Variants in SLC4A10 observed in about 807,000 individuals in gnomAD.
SLC4A10 encodes the protein sodium-driven chloride bicarbonate exchanger.
A neutral mutation model predicts 137.7 loss-of-function variants in SLC4A10; 42 were observed. The ratio of observed to expected loss-of-function variants is 0.30; its 90% confidence interval spans 0.24 to 0.39. The LOEUF is 0.39. SLC4A10 is among the 10% of genes least tolerant of loss of function. The pLI is 1.00. For synonymous variants in SLC4A10, 474 were observed against 464.1 expected, an observed-to-expected ratio of 1.02 and a Z score of -0.27; for missense variants, 925 against 1,355.0, an observed-to-expected ratio of 0.68 and a Z score of 4.98.
At chr2:161,676,434 C>G (rs1456099635) in intron 1 of SLC4A10, among the ~76,000 whole-genome samples, 1 of 152,078 alleles carries the variant, frequency 6.6e-6, no homozygotes, top group Non-Finnish European at 1.5e-5. Context: ...CTTCTCATTT[C>G]TTTTTCTTAC....
At chr2:161,922,581 G>T (rs969083549) in intron 15 of SLC4A10, among the ~76,000 whole-genome samples, 15 of 152,020 alleles carry the variant, frequency 9.9e-5, no homozygotes, top group African/African-American at 3.6e-4. Flanking sequence ...CTAGTGCTAT[G>T]TAAAAAAGGA....
At chr2:161,902,475 A>T (rs1312937678) in intron 12 of SLC4A10, among the ~76,000 whole-genome samples, 1 of 151,922 alleles carries the variant, frequency 6.6e-6, no homozygotes, top group East Asian at 1.9e-4. Context: ...TCCCTAAAAT[A>T]AAAAAAAGTG....
intron 6 of SLC4A10, among the ~76,000 whole-genome samples, chr2:161,869,840 C>T (rs2060998131): frequency 2.0e-5 from 3 of 151,320 alleles, no homozygotes; most frequent in Admixed American, 2.0e-4. Flanking sequence ...GAAATATAAA[C>T]GATATACAAT....
rs187012624 is a variant in SLC4A10 at position 161,655,803 on chromosome 2, C to T, written c.48+31237C>T. The stretch of plus-strand genomic sequence containing the variant: ...ATACTAGCGAATTGTAGTCAACACA[C>T]ATTAAAAATTCTTCTTTTTTTTTTT... On this transcript the variant is annotated intron_variant, in intron 1 of 26. Coordinates refer to ENST00000446997, the MANE Select transcript of SLC4A10 (RefSeq NM_001178015.2). 2.0e-4 allele frequency among the ~76,000 whole-genome samples: 30 copies of T among 150,382 alleles called. No individual in the cohort carries two copies. In the East Asian group the frequency reaches 5.6e-3, roughly 28 times the overall value.
chr2:161,953,607 C>CA (rs35310961), intron 19 of SLC4A10, among the ~76,000 whole-genome samples: 14,750 of 142,312 alleles, frequency 0.1, 1,570 homozygotes, highest in East Asian at 0.27. Flanking sequence ...GACTCCGTCT[C>CA]AAAAAAAAAA....
At chr2:161,921,187 CAT>C (rs1277351546) in intron 15 of SLC4A10, among the ~76,000 whole-genome samples, 1 of 152,202 alleles carries the variant, frequency 6.6e-6, no homozygotes, top group Non-Finnish European at 1.5e-5. Flanking sequence ...GTACCTGCCA[CAT>C]GAGTTTATTG....
At chr2:161,792,570 G>C (rs2054320287) in intron 2 of SLC4A10, among the ~76,000 whole-genome samples, 1 of 152,086 alleles carries the variant, frequency 6.6e-6, no homozygotes. Context: ...CTCTATTTCA[G>C]CTGTCTTCCC....
At chr2:161,833,765 G>A (rs1056686206) in intron 3 of SLC4A10, among the ~76,000 whole-genome samples, 9 of 152,182 alleles carry the variant, frequency 5.9e-5, no homozygotes, top group African/African-American at 2.2e-4. Flanking sequence ...ACAATTGGCT[G>A]ATAATCAAGG....
intron 26 of SLC4A10, among the ~76,000 whole-genome samples, chr2:161,980,123 C>T (rs923241910): frequency 2.0e-5 from 3 of 152,132 alleles, no homozygotes; most frequent in Non-Finnish European, 2.9e-5. Context: ...GCAACTGCTA[C>T]GTTTTTTAAA....
chr2:161,895,978 A>C (rs1263529863), intron 11 of SLC4A10, among the ~76,000 whole-genome samples: 1 of 150,940 alleles, frequency 6.6e-6, no homozygotes, highest in Admixed American at 6.6e-5. Context: ...TTAGACATGA[A>C]GTCCTTGCCC....
At chr2:161,829,606 C>A (rs958454869) in intron 3 of SLC4A10, among the ~76,000 whole-genome samples, 2 of 152,068 alleles carry the variant, frequency 1.3e-5, no homozygotes, top group Non-Finnish European at 2.9e-5. Context: ...ATACTATTTG[C>A]AGTAATTTCA....
intron 1 of SLC4A10, among the ~76,000 whole-genome samples, chr2:161,696,345 T>A (rs1323167142): frequency 6.6e-6 from 1 of 151,190 alleles, no homozygotes; most frequent in Non-Finnish European, 1.5e-5. Context: ...AGGGTACATG[T>A]GCACAATGTG....
At chr2:161,936,671 T>C (rs555252405) in intron 15 of SLC4A10, among the ~76,000 whole-genome samples, 1 of 152,302 alleles carries the variant, frequency 6.6e-6, no homozygotes, top group African/African-American at 2.4e-5. Context: ...GAATTTTCTT[T>C]CCTTTATTCT....
intron 2 of SLC4A10, among the ~76,000 whole-genome samples, chr2:161,803,284 T>C (rs1272111697): frequency 1.3e-5 from 2 of 152,158 alleles, no homozygotes; most frequent in African/African-American, 2.4e-5. Flanking sequence ...TTCCTCTCCC[T>C]GCTGCACACA....
chr2:161,848,782 A>T (rs1186004995), intron 4 of SLC4A10, among the ~76,000 whole-genome samples: 1 of 152,140 alleles, frequency 6.6e-6, no homozygotes, highest in African/African-American at 2.4e-5. Context: ...TGGTTACTGT[A>T]GCCTTGTAGT....
At chr2:161,688,792 G>A (rs1444320918) in intron 1 of SLC4A10, among the ~76,000 whole-genome samples, 2 of 151,944 alleles carry the variant, frequency 1.3e-5, no homozygotes, top group Non-Finnish European at 2.9e-5. Flanking sequence ...ACAGATTATC[G>A]ATTTTCTATT....
intron 20 of SLC4A10, among the ~76,000 whole-genome samples, chr2:161,957,590 C>T (rs983378021): frequency 2.0e-5 from 3 of 152,094 alleles, no homozygotes; most frequent in African/African-American, 7.2e-5. Flanking sequence ...ATTCTATTTT[C>T]TTGTCAGTGG....
At chr2:161,863,265 A>T (rs2060536861) in intron 6 of SLC4A10, among the ~76,000 whole-genome samples, 1 of 152,182 alleles carries the variant, frequency 6.6e-6, no homozygotes, top group East Asian at 1.9e-4. Context: ...AGTTTCCTGA[A>T]AGGTTCAGGA....
At chr2:161,907,469 G>A (rs1684709764) in intron 15 of SLC4A10, among the ~76,000 whole-genome samples, 2 of 152,182 alleles carry the variant, frequency 1.3e-5, no homozygotes, top group Non-Finnish European at 2.9e-5. Context: ...CACTATACTA[G>A]GTGCTAGGAA....
Sources: allele counts gnomAD v4.1 joint callset (sites outside exome capture counted in the v4.1 genomes callset), GRCh38; gene constraint gnomAD v4.1.1; transcripts MANE v1.5; gene names NCBI Gene and HGNC (gene_info 2026-07-23, HGNC 2026-07-21).